The following SLC26A4 variants were observed in gnomAD, a reference collection of about 807,000 sequenced individuals.
The protein encoded by SLC26A4 is solute carrier family 26 member 4, also known as pendrin.
Under a neutral mutation model 90.4 loss-of-function variants are expected in SLC26A4, and 93 were observed. The ratio of observed to expected loss-of-function variants is 1.03; its 90% CI spans 0.87 to 1.22. SLC26A4 has a LOEUF of 1.22. Among genes scored for constraint, SLC26A4 ranks in the 50% most tolerant of loss-of-function variants. SLC26A4 has a pLI of 0.00. For synonymous variants in SLC26A4, 393 were observed against 354.6 expected, an observed-to-expected ratio of 1.11 and a Z score of -1.22; for missense variants, 1,127 against 946.2, an observed-to-expected ratio of 1.19 and a Z score of -2.51.
intron 8 of SLC26A4, 150 bp downstream of exon 8, chr7:107,683,687 C>G: frequency 1.5e-6 from 1 of 687,922 alleles, no homozygotes; most frequent in Non-Finnish European, 2.5e-6. Context: ...AACCATAAGA[C>G]AAACAGTATG....
intron 3 of SLC26A4, among the ~76,000 whole-genome samples, chr7:107,667,144 A>T (rs1790737292): frequency 6.6e-6 from 1 of 152,134 alleles, no homozygotes; most frequent in Non-Finnish European, 1.5e-5. Flanking sequence ...GCTAAGTTTG[A>T]GACACAGGGT....
rs1232015844 is a variant in SLC26A4 at position 107,701,150 on chromosome 7, G to A, written c.1757G>A (p.Arg586Lys). The change falls in exon 16 of 21, where the codon AGG becomes AAG. Residue 586 changes from arginine to lysine, a missense_variant. Arg to Lys is a conservative substitution (Grantham distance 26, BLOSUM62 2). Transcript: ENST00000644269. The stretch of plus-strand genomic sequence containing the variant: ...TATAATAAGAGGCTGAAAGCGCTGA[G>A]GAAAATACAGAAACTAATAAAAAGT... ...RVYNKRLKALRKIQKLIKSGQ... is the reference protein window; with the variant it reads ...RVYNKRLKALKKIQKLIKSGQ... 1 of 1,611,206 alleles carries A rather than the reference G, an allele frequency of 6.2e-7. No homozygotes were observed. The highest frequency in any genetic ancestry group is 8.5e-7 in the Non-Finnish European group (1 of 1,177,464).
chr7:107,691,202 A>G (rs1168181178), intron 10 of SLC26A4, among the ~76,000 whole-genome samples: 1 of 151,448 alleles, frequency 6.6e-6, no homozygotes, highest in Non-Finnish European at 1.5e-5. Context: ...AGGCGGGGAC[A>G]CTTAAAAAAT....
At chr7:107,694,027 CTG>C (rs1187523688) in intron 10 of SLC26A4, among the ~76,000 whole-genome samples, 1 of 152,126 alleles carries the variant, frequency 6.6e-6, no homozygotes, top group Non-Finnish European at 1.5e-5. Flanking sequence ...ACAATGATCT[CTG>C]TTGTTGGGAA....
intron 13 of SLC26A4, among the ~76,000 whole-genome samples, chr7:107,697,523 G>A (rs1171618539): frequency 2.0e-5 from 3 of 152,168 alleles, no homozygotes; most frequent in Non-Finnish European, 4.4e-5. Flanking sequence ...CAATAGTCTG[G>A]TTGACAGGAA....
chr7:107,690,475 A>G (rs1032225470), intron 10 of SLC26A4, among the ~76,000 whole-genome samples: 1 of 152,198 alleles, frequency 6.6e-6, no homozygotes, highest in Non-Finnish European at 1.5e-5. Flanking sequence ...CTTACCTGTC[A>G]TGTAGCTACA....
chr7:107,661,793 C>T lies in SLC26A4; in HGVS notation c.152C>T (p.Ala51Val), dbSNP rs1790563282. The T allele has an allele frequency of 2.0e-6, 3 of 1,537,806 alleles. No homozygotes were observed. The highest frequency in any genetic ancestry group is 2.6e-6 in the Non-Finnish European group (3 of 1,146,762). ...CGCAAGACGCTGCGGGAGAGCCTGGCCAAGTGCTGCAGGTAGCGGCCGCGC... is the reference window on the plus strand; with the variant it reads ...CGCAAGACGCTGCGGGAGAGCCTGGTCAAGTGCTGCAGGTAGCGGCCGCGC... Reference protein sequence around the residue: ...QERKTLRESLAKCCSCSRKRA... With the variant: ...QERKTLRESLVKCCSCSRKRA... The change falls in exon 2 of 21, where the codon GCC (alanine) becomes GTC (valine). Residue 51 changes from alanine to valine, a missense_variant. By Grantham distance (64) the Ala-to-Val change is moderately conservative (BLOSUM62 0). Coordinates refer to ENST00000644269, the MANE Select transcript of SLC26A4 (RefSeq NM_000441.2). This position sits in a 1 kb window ranked among gnomAD's most constrained non-coding sequence, Gnocchi z 5.1.
At chr7:107,697,066 C>T (rs750774480) in intron 13 of SLC26A4, among the ~76,000 whole-genome samples, 2 of 152,186 alleles carry the variant, frequency 1.3e-5, no homozygotes, top group African/African-American at 2.4e-5. Context: ...TAAATGATTG[C>T]CCAAGGGCCT....
intron 6 of SLC26A4, among the ~76,000 whole-genome samples, chr7:107,682,145 T>C (rs1404587778): frequency 1.3e-5 from 2 of 149,182 alleles, no homozygotes; most frequent in Non-Finnish European, 3.0e-5. Context: ...TTTTATGTTA[T>C]CTTAGTTCAA....
Position 107,715,621 on chromosome 7 carries a change from G to A in SLC26A4, c.*175G>A. On this transcript the variant is annotated 3_prime_UTR_variant, in exon 21 of 21. Transcript: ENST00000644269. ...AAAATAAACACCTTATCCCTAACAT[G>A]GGCAAAATGGCTAGAATTATTCAGA... 6.2e-6 allele frequency: 4 copies of A among 649,730 alleles called. No individual in the cohort carries two copies. The highest frequency in any genetic ancestry group is 1.1e-5 in the Non-Finnish European group (4 of 357,378). 40.2% of individuals were successfully genotyped at this position (649,730 alleles called of 1,614,324 possible).
chr7:107,666,908 T>C (rs1158924769), intron 3 of SLC26A4, among the ~76,000 whole-genome samples: 1 of 152,258 alleles, frequency 6.6e-6, no homozygotes, highest in African/African-American at 2.4e-5. Context: ...AGAATGGGTG[T>C]GTCAGCTTGA....
At chr7:107,710,974 A>G (rs1337396555) in intron 19 of SLC26A4, among the ~76,000 whole-genome samples, 3 of 152,200 alleles carry the variant, frequency 2.0e-5, no homozygotes, top group Non-Finnish European at 4.4e-5. Flanking sequence ...CCATTTTTCT[A>G]AAAGTAGAAT....
chr7:107,709,672 C>A (rs998534724), intron 18 of SLC26A4, among the ~76,000 whole-genome samples: 1 of 150,780 alleles, frequency 6.6e-6, no homozygotes, highest in Non-Finnish European at 1.5e-5. Flanking sequence ...GCCAAAGGGA[C>A]GTGATCGTCC....
intron 8 of SLC26A4, among the ~76,000 whole-genome samples, chr7:107,684,735 T>C (rs1791349281): frequency 6.6e-6 from 1 of 152,206 alleles, no homozygotes; most frequent in East Asian, 1.9e-4. Flanking sequence ...CTCAAGTGAT[T>C]CTTGCCCTCA....
chr7:107,696,821 G>A (rs1422026111), intron 13 of SLC26A4, among the ~76,000 whole-genome samples: 2 of 152,212 alleles, frequency 1.3e-5, no homozygotes, highest in African/African-American at 2.4e-5. Flanking sequence ...GGGGAACAGA[G>A]TCTTTCTCTC....
chr7:107,708,856 A>G (rs186468967), intron 18 of SLC26A4, among the ~76,000 whole-genome samples: 1 of 152,046 alleles, frequency 6.6e-6, no homozygotes, highest in Non-Finnish European at 1.5e-5. Context: ...TGTTGTTATG[A>G]GGAGAGCAAA....
chr7:107,678,411 C>T (rs1276593829), intron 6 of SLC26A4, among the ~76,000 whole-genome samples: 1 of 152,146 alleles, frequency 6.6e-6, no homozygotes, highest in Non-Finnish European at 1.5e-5. Flanking sequence ...TAATTGTTGA[C>T]CTGGGTCCAT....
In SLC26A4 at chr7:107,675,106, CTATG is replaced by C. The variant is rs756076960; in HGVS notation, c.765_765+3del. ...ACTACAATGGAGTTCTCTCTATTAT[CTATG>C]TAAGTGTTGCTTCTTGCTCCAGGGA... is the stretch of plus-strand genomic sequence containing the variant. On this transcript the variant is annotated splice_donor_variant and coding_sequence_variant, in exon 6 of 21. Transcript: ENST00000644269. LOFTEE classifies it high-confidence loss of function. The C allele has an allele frequency of 1.9e-6, 3 of 1,612,888 alleles. No individual in the cohort carries two copies. The African/African-American group carries it at 4.0e-5, about 22-fold the overall frequency.
At chr7:107,675,190 G>T (rs534423856) in intron 6 of SLC26A4, 81 bp downstream of exon 6, 1 of 1,405,606 alleles carries the variant, frequency 7.1e-7, no homozygotes, top group South Asian at 1.2e-5. Flanking sequence ...TCTGGGCCAG[G>T]CGTGGTGGCT....
Sources: gnomAD v4.1 joint callset for allele counts (sites outside exome capture counted in the v4.1 genomes callset) on GRCh38, gnomAD v4.1.1 for gene constraint, Gnocchi (gnomAD v3.1) non-coding constraint, MANE v1.5 for transcripts, NCBI Gene and HGNC (gene_info 2026-07-23, HGNC 2026-07-21) for gene names.